The following TBC1D19 variants were observed in gnomAD, a reference collection of about 807,000 sequenced individuals.
TBC1D19 encodes TBC1 domain family, member 19.
In TBC1D19, 60 loss-of-function variants were observed where a neutral mutation model predicts 89.0. The ratio of observed to expected loss-of-function variants is 0.67; its 90% CI spans 0.55 to 0.84. The LOEUF (loss-of-function observed/expected upper bound fraction) is 0.84. Among genes scored for constraint, TBC1D19 ranks in the 40% least tolerant of loss-of-function variants. The pLI is 0.00. For missense variants in TBC1D19, 500 were observed against 610.8 expected, an observed-to-expected ratio of 0.82 and a Z score of 1.91; for synonymous variants, 189 against 199.7, an observed-to-expected ratio of 0.95 and a Z score of 0.45.
At chr4:26,729,965 G>T (rs1452423043) in intron 15 of TBC1D19, among the ~76,000 whole-genome samples, 1 of 152,202 alleles carries the variant, frequency 6.6e-6, no homozygotes, top group East Asian at 1.9e-4. Flanking sequence ...TGGATGTAGA[G>T]AACTTTTTCA....
chr4:26,759,300 G>T (rs970446340), downstream of TBC1D19, among the ~76,000 whole-genome samples: 2 of 152,048 alleles, frequency 1.3e-5, no homozygotes, highest in Non-Finnish European at 2.9e-5. Flanking sequence ...TTGAATGAAC[G>T]AATGACATCA....
At chr4:26,821,578 C>T in the TBC1D19 span, among the ~76,000 whole-genome samples, 1 of 152,196 alleles carries the variant, frequency 6.6e-6, no homozygotes, top group Non-Finnish European at 1.5e-5. Flanking sequence ...TCTCACAGGA[C>T]CTAGATCTTG....
At chr4:26,739,796 A>G (rs557900368) in intron 16 of TBC1D19, 68 bp from the exon 17 acceptor site, 3 of 881,142 alleles carry the variant, frequency 3.4e-6, no homozygotes, top group Admixed American at 2.8e-5. Context: ...TTATTATGAC[A>G]TATTTTATAA....
chr4:26,581,369 T>C (rs991736102), upstream of TBC1D19, among the ~76,000 whole-genome samples: 11 of 152,142 alleles, frequency 7.2e-5, no homozygotes, highest in African/African-American at 2.4e-4. Flanking sequence ...ACGCTCTCCC[T>C]TCCCTTGCCC....
At chr4:26,721,977 C>T (rs1474417061) in intron 15 of TBC1D19, among the ~76,000 whole-genome samples, 2 of 152,090 alleles carry the variant, frequency 1.3e-5, no homozygotes, top group Non-Finnish European at 2.9e-5. Flanking sequence ...AGGCTAAGGG[C>T]CCTTCCTCTA....
At chr4:26,717,536 G>A (rs537083658) in intron 13 of TBC1D19, among the ~76,000 whole-genome samples, 2 of 152,060 alleles carry the variant, frequency 1.3e-5, no homozygotes, top group East Asian at 1.9e-4. Flanking sequence ...GCCTAACTGC[G>A]TGATGCATCC....
chr4:26,655,536 G>T (rs2109060585), intron 7 of TBC1D19, among the ~76,000 whole-genome samples: 1 of 152,324 alleles, frequency 6.6e-6, no homozygotes, highest in Middle Eastern at 3.4e-3. Flanking sequence ...CGAGCTTCCT[G>T]GCTGCTTTGT....
chr4:26,636,188 G>A (rs539689063), intron 4 of TBC1D19, among the ~76,000 whole-genome samples: 6 of 151,766 alleles, frequency 4.0e-5, no homozygotes, highest in Non-Finnish European at 7.4e-5. Flanking sequence ...CTGAATTTTG[G>A]GACTTTGGTA....
the TBC1D19 span, among the ~76,000 whole-genome samples, chr4:26,799,690 G>T: frequency 0.014 from 2,107 of 152,282 alleles, 41 homozygotes; most frequent in African/African-American, 0.048. Context: ...GACACAGAAG[G>T]TGTCATCTAT....
chr4:26,773,316 A>G, the TBC1D19 span, among the ~76,000 whole-genome samples: 55,075 of 151,690 alleles, frequency 0.36, 10,683 homozygotes, highest in Non-Finnish European at 0.44. Context: ...GGGTTTGTTT[A>G]TTTGTTTTCC....
At chr4:26,656,958 T>TTTCTTTTTCTTC (rs1744864589) in intron 7 of TBC1D19, among the ~76,000 whole-genome samples, 1 of 47,798 alleles carries the variant, frequency 2.1e-5, no homozygotes, top group African/African-American at 7.9e-5. Context: ...CCCTGCAATC[T>TTTCTTTTTCTTC]TTCTTCTTCT....
At chr4:26,622,367 G>C (rs1045775219) in intron 4 of TBC1D19, among the ~76,000 whole-genome samples, 5 of 152,020 alleles carry the variant, frequency 3.3e-5, no homozygotes, top group Admixed American at 3.3e-4. Context: ...AACATACTAG[G>C]TGTAAGAAAC....
At chr4:26,763,199 C>T in the TBC1D19 span, among the ~76,000 whole-genome samples, 1 of 152,192 alleles carries the variant, frequency 6.6e-6, no homozygotes, top group South Asian at 2.1e-4. Context: ...TCTAAGACCT[C>T]CCAACCATCT....
chr4:26,680,218 T>C (rs1713211170), intron 11 of TBC1D19, among the ~76,000 whole-genome samples: 1 of 152,170 alleles, frequency 6.6e-6, no homozygotes, highest in African/African-American at 2.4e-5. Context: ...CAGTCTTAGG[T>C]ATTTCTTCAT....
chr4:26,591,381 C>G (rs939886361), intron 1 of TBC1D19, among the ~76,000 whole-genome samples: 40 of 151,668 alleles, frequency 2.6e-4, no homozygotes, highest in Non-Finnish European at 4.3e-4. Context: ...CACTGTGGAA[C>G]AGGAATTAAA....
chr4:26,697,451 CA>C (rs1714904502), intron 13 of TBC1D19, among the ~76,000 whole-genome samples: 1 of 152,262 alleles, frequency 6.6e-6, no homozygotes, highest in African/African-American at 2.4e-5. Context: ...GAGCTGGTAC[CA>C]TTCCTTCTGA....
Position 26,620,624 on chromosome 4 carries a change from C to A in TBC1D19, c.230C>A (p.Pro77His). The A allele has an allele frequency of 6.2e-7, 1 of 1,613,426 alleles. No homozygotes were observed. The highest frequency in any genetic ancestry group is 8.5e-7 in the Non-Finnish European group (1 of 1,179,692). Residue 77 changes from proline to histidine, a missense_variant, in exon 4 of 21, where the codon CCT (proline) becomes CAT (histidine). Transcript: ENST00000264866. ...VYSELSVFPLPSHPAAPPEHL... is the reference protein window; with the variant it reads ...VYSELSVFPLHSHPAAPPEHL... ...CTTTTTGCTCCTAGGTTTCCTTTAC[C>A]TAGTCATCCTGCTGCACCTCCTGAA...
the TBC1D19 span, among the ~76,000 whole-genome samples, chr4:26,806,768 C>A: frequency 1.3e-5 from 2 of 152,162 alleles, no homozygotes; most frequent in Non-Finnish European, 2.9e-5. Context: ...TTGCAAGAAG[C>A]CATGTGAAGA....
At chr4:26,636,999 G>A (rs919019209) in intron 4 of TBC1D19, among the ~76,000 whole-genome samples, 1 of 152,078 alleles carries the variant, frequency 6.6e-6, no homozygotes, top group African/African-American at 2.4e-5. Flanking sequence ...GAGGACTGAG[G>A]CTTTCTGTTA....
Sources: gnomAD v4.1 joint callset for allele counts (sites outside exome capture counted in the v4.1 genomes callset) on GRCh38, gnomAD v4.1.1 for gene constraint, MANE v1.5 for transcripts, NCBI Gene and HGNC (gene_info 2026-07-23, HGNC 2026-07-21) for gene names.